The following TAF2 variants were observed in gnomAD, a reference collection of about 807,000 sequenced individuals.
TAF2 encodes the protein transcription initiation factor TFIID subunit 2.
A neutral mutation model predicts 138.5 loss-of-function variants in TAF2; 61 were observed. That is an observed-to-expected ratio of 0.44 (90% CI 0.36 to 0.54). The LOEUF is 0.54. TAF2 is among the 20% of genes least tolerant of loss of function. The pLI, the probability that TAF2 is intolerant of heterozygous loss-of-function variation, is 0.00. For synonymous variants in TAF2, 475 were observed against 469.9 expected (o/e 1.01, Z -0.14); for missense variants, 1,090 against 1,427.9 (o/e 0.76, Z 3.81).
At chr8:119,784,524 A>T (rs1195571064) in intron 15 of TAF2, among the ~76,000 whole-genome samples, 1 of 152,238 alleles carries the variant, frequency 6.6e-6, no homozygotes, top group Admixed American at 6.5e-5. Flanking sequence ...CTGATTTTGA[A>T]GGGCAAACAA....
At chr8:119,739,847 T>C (rs1047474496) in intron 25 of TAF2, among the ~76,000 whole-genome samples, 1 of 151,574 alleles carries the variant, frequency 6.6e-6, no homozygotes, top group African/African-American at 2.4e-5. Flanking sequence ...GAATTGCTTT[T>C]TTTCTTTGTT....
At chr8:119,783,081 A>C (rs1822785195) in intron 16 of TAF2, among the ~76,000 whole-genome samples, 6 of 152,222 alleles carry the variant, frequency 3.9e-5, no homozygotes, top group Admixed American at 3.9e-4. Context: ...GGAATTGCTC[A>C]CCAAATATAT....
At chr8:119,823,563 G>A (rs189784471) in intron 2 of TAF2, among the ~76,000 whole-genome samples, 17 of 152,300 alleles carry the variant, frequency 1.1e-4, no homozygotes, top group Admixed American at 5.2e-4. Context: ...CTCCAGCCAC[G>A]TGGAACTGTA....
In TAF2 at chr8:119,789,586, G is replaced by A. The variant is rs1205127901; in HGVS notation, c.1568+6C>T. 6.2e-7 allele frequency: 1 copy of A among 1,612,946 alleles called. No individual in the cohort carries two copies. The highest frequency in any genetic ancestry group is 1.7e-5 in the Admixed American group (1 of 59,970). ...CACTCTGTTGAACTGCTATTGAAAAGGATACACCCACTGCTTTATTAACGG... is the reference window on the plus strand; with the variant it reads ...CACTCTGTTGAACTGCTATTGAAAAAGATACACCCACTGCTTTATTAACGG... On this transcript the variant is annotated splice_donor_region_variant and intron_variant, in intron 12 of 25. Transcript: ENST00000378164.
chr8:119,763,354 C>T (rs1464866256), intron 18 of TAF2, among the ~76,000 whole-genome samples: 2 of 152,176 alleles, frequency 1.3e-5, no homozygotes, highest in Non-Finnish European at 2.9e-5. Flanking sequence ...TTTACTGGAG[C>T]CACAGAAAAC....
chr8:119,826,412 G>A (rs1826103211), intron 2 of TAF2, among the ~76,000 whole-genome samples: 1 of 152,140 alleles, frequency 6.6e-6, no homozygotes, highest in Admixed American at 6.5e-5. Flanking sequence ...ACATGGAACT[G>A]TGAGTTCTCC....
intron 18 of TAF2, among the ~76,000 whole-genome samples, chr8:119,774,540 T>C (rs953112546): frequency 6.6e-6 from 1 of 151,640 alleles, no homozygotes; most frequent in Non-Finnish European, 1.5e-5. Flanking sequence ...TAGCGTATTT[T>C]ACGTGTGGCC....
chr8:119,793,880 A>C (rs1438915413), intron 9 of TAF2, among the ~76,000 whole-genome samples: 1 of 138,656 alleles, frequency 7.2e-6, no homozygotes, highest in Non-Finnish European at 1.5e-5. Flanking sequence ...ACTTTTAAAA[A>C]GGGGGATTTT....
Position 119,746,685 on chromosome 8 carries a change from G to A in TAF2, c.3108+20C>T. The A allele has an allele frequency of 6.2e-7, 1 of 1,609,050 alleles. No individual in the cohort carries two copies. Among genetic ancestry groups the A allele is most frequent in the Non-Finnish European group, 8.5e-7 (1 of 1,175,350 alleles). ...TCTATATAATGAAACTACGTCTTCT[G>A]TAATACATGTGATTCTTACAGGGTT... On this transcript the variant is annotated intron_variant, in intron 23 of 25. Coordinates refer to ENST00000378164, the MANE Select transcript of TAF2 (RefSeq NM_003184.4).
rs572707835 is a variant in TAF2 at position 119,789,843 on chromosome 8, T to G, written c.1414-97A>C. The G allele has an allele frequency of 3.4e-6, 4 of 1,188,016 alleles. No homozygotes were observed. The Admixed American group carries it at 6.1e-5, about 18-fold the overall frequency. 73.6% of individuals were successfully genotyped at this position (1,188,016 alleles called of 1,614,324 possible). On this transcript the variant is annotated intron_variant, in intron 11 of 25. Coordinates refer to ENST00000378164, the MANE Select transcript of TAF2 (RefSeq NM_003184.4). ...ATTATAACTTTATTGTAGTCAATTATAGAAGACAATAATTTCACTATTTAT... is the reference window on the plus strand; with the variant it reads ...ATTATAACTTTATTGTAGTCAATTAGAGAAGACAATAATTTCACTATTTAT...
intron 18 of TAF2, among the ~76,000 whole-genome samples, chr8:119,772,658 CG>C (rs1433367219): frequency 2.0e-5 from 3 of 151,816 alleles, no homozygotes; most frequent in Non-Finnish European, 2.9e-5. Context: ...AAAATAAGGC[CG>C]GGTGTGGTGG....
intron 3 of TAF2, among the ~76,000 whole-genome samples, chr8:119,812,674 CAA>C (rs1259957020): frequency 6.6e-6 from 1 of 151,802 alleles, no homozygotes; most frequent in Non-Finnish European, 1.5e-5. Flanking sequence ...CACGTTGCTA[CAA>C]AAGACATTTC....
At chr8:119,743,945 C>T (rs965774723) in intron 24 of TAF2, among the ~76,000 whole-genome samples, 7 of 152,050 alleles carry the variant, frequency 4.6e-5, no homozygotes, top group African/African-American at 1.4e-4. Flanking sequence ...GTGCTACAAG[C>T]AGCTTTAACT....
At chr8:119,792,652 C>G (rs6999808) in intron 10 of TAF2, among the ~76,000 whole-genome samples, 1 of 151,888 alleles carries the variant, frequency 6.6e-6, no homozygotes, top group Non-Finnish European at 1.5e-5. Flanking sequence ...TAAACCCCAA[C>G]GCAACAGTCT....
chr8:119,775,541 A>C (rs1243321786), intron 18 of TAF2, among the ~76,000 whole-genome samples: 1 of 151,882 alleles, frequency 6.6e-6, no homozygotes, highest in South Asian at 2.1e-4. Flanking sequence ...CGTCTCTACT[A>C]AAAGTACAAC....
rs577903468 is a variant in TAF2 at position 119,733,379 on chromosome 8, T to C, written c.3338-1193A>G. Among the ~76,000 whole-genome samples, 34 of 152,282 alleles carry C rather than the reference T, an allele frequency of 2.2e-4. No individual in the cohort carries two copies. In the South Asian group the frequency reaches 6.6e-3, roughly 30 times the overall value. Reference sequence around the variant, plus strand: ...TGTCTCTCTACACAGATGAGAGTAGTGTCAGTACAAAGAAAGAAACAGAAT... The same window carrying C: ...TGTCTCTCTACACAGATGAGAGTAGCGTCAGTACAAAGAAAGAAACAGAAT... On this transcript the variant is annotated intron_variant, in intron 25 of 25. Transcript: ENST00000378164.
At chr8:119,746,459 AT>A (rs1371522609) in intron 23 of TAF2, among the ~76,000 whole-genome samples, 8 of 152,220 alleles carry the variant, frequency 5.3e-5, no homozygotes, top group East Asian at 1.9e-4. Flanking sequence ...TATAAAAAAA[AT>A]AACTAGGTTA....
intron 8 of TAF2, among the ~76,000 whole-genome samples, chr8:119,796,740 TTAAA>T (rs1319562903): frequency 1.3e-5 from 2 of 152,122 alleles, no homozygotes; most frequent in Non-Finnish European, 2.9e-5. Context: ...TCATTTTTCT[TTAAA>T]TACATATAGA....
chr8:119,780,882 C>T (rs925257549), intron 17 of TAF2, among the ~76,000 whole-genome samples, 171 bp downstream of exon 17: 1 of 144,808 alleles, frequency 6.9e-6, no homozygotes, highest in Non-Finnish European at 1.5e-5. Context: ...TTGCAGTGAG[C>T]GGAGCTTGCG....
Sources: gnomAD v4.1 joint callset for allele counts (sites outside exome capture counted in the v4.1 genomes callset) on GRCh38, gnomAD v4.1.1 for gene constraint, MANE v1.5 for transcripts, NCBI Gene and HGNC (gene_info 2026-07-23, HGNC 2026-07-21) for gene names.